PCDHGA6: variants seen among roughly 807,000 people sequenced by gnomAD.
The protein encoded by PCDHGA6 is protocadherin gamma-A6.
A neutral mutation model predicts 60.6 loss-of-function variants in PCDHGA6; 41 were observed. The ratio of observed to expected loss-of-function variants is 0.68; its 90% CI spans 0.53 to 0.88. PCDHGA6 has a LOEUF of 0.88. Among genes scored for constraint, PCDHGA6 ranks in the 40% least tolerant of loss-of-function variants. The pLI is 0.00. For missense variants in PCDHGA6, 1,312 were observed against 1,203.0 expected (o/e 1.09, Z -1.34); for synonymous variants, 594 against 524.4 (o/e 1.13, Z -1.81).
chr5:141,455,753 G>T (rs2098830630), intron 1 of PCDHGA6, among the ~76,000 whole-genome samples: 1 of 152,074 alleles, frequency 6.6e-6, no homozygotes, highest in Non-Finnish European at 1.5e-5. Flanking sequence ...TGCTGGCCTG[G>T]CTCCTAGAGC....
intron 1 of PCDHGA6, chr5:141,403,391 G>A: frequency 1.2e-6 from 2 of 1,614,046 alleles, no homozygotes; most frequent in Non-Finnish European, 1.7e-6. Flanking sequence ...CGAAATCGCG[G>A]TTCCTGGAGC....
At position 141,505,479 on chromosome 5, in the gene PCDHGA6, G is replaced by A; in HGVS notation, c.2570G>A (p.Ser857Asn). 1 of 1,614,228 alleles carries A rather than the reference G, an allele frequency of 6.2e-7. No homozygotes were observed. The highest frequency in any genetic ancestry group is 8.5e-7 in the Non-Finnish European group (1 of 1,180,018). Residue 857 changes from serine to asparagine, a missense_variant and splice_region_variant, in exon 3 of 4, where the codon AGT (serine) becomes AAT (asparagine). Ser to Asn is a conservative substitution (Grantham distance 46, BLOSUM62 1). Coordinates refer to ENST00000517434, the MANE Select transcript of PCDHGA6 (RefSeq NM_018919.3). Reference sequence around the variant, plus strand: ...CAAGCCATGATCTTGGCGTCCGCCAGTGGTAAGTGGTGTCAGTGTGTGTAT... The same window carrying A: ...CAAGCCATGATCTTGGCGTCCGCCAATGGTAAGTGGTGTCAGTGTGTGTAT... Reference protein sequence around the residue: ...MLQAMILASASEAADGSSTLG... With the variant: ...MLQAMILASANEAADGSSTLG...
intron 1 of PCDHGA6, chr5:141,415,384 A>C: frequency 1.9e-6 from 3 of 1,614,180 alleles, no homozygotes; most frequent in Non-Finnish European, 2.5e-6. Flanking sequence ...AGGCGGCTTG[A>C]CAGGTGTGTC....
chr5:141,415,657 G>C, intron 1 of PCDHGA6: 1 of 1,576,238 alleles, frequency 6.3e-7, no homozygotes, highest in Non-Finnish European at 8.6e-7. Context: ...AAAAAAGATT[G>C]GTTTTTACTT....
chr5:141,454,948 C>T (rs2098807728), intron 1 of PCDHGA6, among the ~76,000 whole-genome samples: 1 of 151,548 alleles, frequency 6.6e-6, no homozygotes, highest in Non-Finnish European at 1.5e-5. Flanking sequence ...GCTGGGACTA[C>T]AGGCGCCGGC....
In PCDHGA6 at chr5:141,432,854, G is replaced by A. The variant is rs769962088; in HGVS notation, c.2424+56347G>A. 1 of 1,614,192 alleles carries A rather than the reference G, an allele frequency of 6.2e-7. No homozygotes were observed. On this transcript the variant is annotated intron_variant, in intron 1 of 3. Transcript: ENST00000517434. The surrounding 1 kb of genome is among the most constrained non-coding windows in gnomAD (Gnocchi z 6.0). ...TCTGTACCTGGTGGTAGCGGTGGCC[G>A]CGGTCTCCTGCGTCTTCCTGGCCTT...
At position 141,489,094 on chromosome 5, in the gene PCDHGA6, G is replaced by GAAA. The variant is rs2154581134; in HGVS notation, c.2425-5711_2425-5710insAAA. On this transcript the variant is annotated intron_variant, in intron 1 of 3. Coordinates refer to ENST00000517434, the MANE Select transcript of PCDHGA6 (RefSeq NM_018919.3). The surrounding 1 kb of genome is among the most constrained non-coding windows in gnomAD (Gnocchi z 4.5). ...CCCACCCCCGCCACTCGGTGACTAA[G>GAAA]AACTGCTGCAAGCAGGCAAACCTCC... The GAAA allele has an allele frequency of 5.1e-6, 2 of 396,028 alleles. No homozygotes were observed. Among genetic ancestry groups the GAAA allele is most frequent in the South Asian group, 4.8e-5 (1 of 20,814 alleles). The allele number at this position is 396,028 out of a possible 1,614,324, so 24.5% of individuals were successfully genotyped here.
chr5:141,440,693 C>T (rs2098194597), intron 1 of PCDHGA6: 1 of 152,136 alleles, frequency 6.6e-6, no homozygotes, highest in Non-Finnish European at 1.5e-5. Context: ...GTAAAAGTGA[C>T]CAACAGTGGA....
At position 141,490,181 on chromosome 5, in the gene PCDHGA6, G is replaced by A. The variant is rs755899660; in HGVS notation, c.2425-4626G>A. ...GGTCCCATAGACTTTGAGGAGTCACGTTTCTATGAAATTCATGCAAGAGCC... is the reference window on the plus strand; with the variant it reads ...GGTCCCATAGACTTTGAGGAGTCACATTTCTATGAAATTCATGCAAGAGCC... On this transcript the variant is annotated intron_variant, in intron 1 of 3. Coordinates refer to ENST00000517434, the MANE Select transcript of PCDHGA6 (RefSeq NM_018919.3). This position sits in a 1 kb window ranked among gnomAD's most constrained non-coding sequence, Gnocchi z 5.4. The A allele has an allele frequency of 9.9e-6, 16 of 1,614,200 alleles. No homozygotes were observed. Among genetic ancestry groups the A allele is most frequent in the Middle Eastern group, 1.6e-4 (1 of 6,062 alleles).
chr5:141,431,022 G>A lies in PCDHGA6; in HGVS notation c.2424+54515G>A. ...CGCAGCGGCAGCTTGGTCACGGCGG[G>A]CAGGATAGACCGGGAGGAGCTCTGT... On this transcript the variant is annotated intron_variant, in intron 1 of 3. Transcript: ENST00000517434. This position sits in a 1 kb window ranked among gnomAD's most constrained non-coding sequence, Gnocchi z 4.8. 1 of 1,614,078 alleles carries A rather than the reference G, an allele frequency of 6.2e-7. No individual in the cohort carries two copies. Among genetic ancestry groups the A allele is most frequent in the African/African-American group, 1.3e-5 (1 of 75,074 alleles).
At chr5:141,430,910 G>T in intron 1 of PCDHGA6, 2 of 1,608,040 alleles carry the variant, frequency 1.2e-6, no homozygotes, top group Middle Eastern at 1.7e-4. Context: ...CATCTCCAGG[G>T]ACCTGGGGCT....
intron 1 of PCDHGA6, chr5:141,390,425 G>A (rs908766072): frequency 9.6e-7 from 1 of 1,042,070 alleles, no homozygotes. Flanking sequence ...TTAAAAAGCT[G>A]TCATATCATT....
At chr5:141,427,470 G>A (rs765970767) in intron 1 of PCDHGA6, 8 of 509,992 alleles carry the variant, frequency 1.6e-5, no homozygotes, top group African/African-American at 7.7e-5. Flanking sequence ...CGAATCTTCC[G>A]CCAATAATGA....
In PCDHGA6 at chr5:141,485,956, C is replaced by T. The variant is rs1430530851; in HGVS notation, c.2425-8851C>T. 1 of 1,614,150 alleles carries T rather than the reference C, an allele frequency of 6.2e-7. No individual in the cohort carries two copies. Among genetic ancestry groups the T allele is most frequent in the South Asian group, 1.1e-5 (1 of 91,074 alleles). ...AGAGCGCACCAGCGGGCATGGTGCT[C>T]ATCCAGCTCAATGCCTCAGACCCGG... On this transcript the variant is annotated intron_variant, in intron 1 of 3. Coordinates refer to ENST00000517434, the MANE Select transcript of PCDHGA6 (RefSeq NM_018919.3). This position sits in a 1 kb window ranked among gnomAD's most constrained non-coding sequence, Gnocchi z 5.7.
chr5:141,402,402 T>TTAAGATAC (rs1275769528), intron 1 of PCDHGA6, among the ~76,000 whole-genome samples: 2 of 152,012 alleles, frequency 1.3e-5, no homozygotes, highest in South Asian at 4.1e-4. Context: ...CAGAAAATTG[T>TTAAGATAC]TAAGATACAC....
At chr5:141,377,551 G>A (rs949060522) in intron 1 of PCDHGA6, 1 of 151,380 alleles carries the variant, frequency 6.6e-6, no homozygotes, top group Non-Finnish European at 1.5e-5. Flanking sequence ...AGATATAATT[G>A]TGTCACTGCA....
rs757227553 is a variant in PCDHGA6, at chr5:141,375,212, G to T, written c.1129G>T (p.Gly377Cys). Residue 377 changes from glycine to cysteine, a missense_variant, in exon 1 of 4, where the codon GGC becomes TGC. Physicochemically the swap from Gly to Cys is radical, Grantham distance 159. Coordinates refer to ENST00000517434, the MANE Select transcript of PCDHGA6 (RefSeq NM_018919.3). Reference protein sequence around the residue: ...ALFQVFDRDSGLNGLVTCSIP... With the variant: ...ALFQVFDRDSCLNGLVTCSIP... ...TTTTCAAGTGTTCGATCGAGACTCT[G>T]GCCTGAATGGCCTGGTAACCTGTTC... 6.2e-7 allele frequency: 1 copy of T among 1,613,944 alleles called. No individual in the cohort carries two copies. The highest frequency in any genetic ancestry group is 1.7e-5 in the Admixed American group (1 of 60,026).
chr5:141,418,513 G>A (rs377653202), intron 1 of PCDHGA6: 1 of 1,613,960 alleles, frequency 6.2e-7, no homozygotes, highest in Non-Finnish European at 8.5e-7. Flanking sequence ...TAGATGGTGG[G>A]GACCCTCCCC....
At chr5:141,458,100 A>AT (rs2098937418) in intron 1 of PCDHGA6, among the ~76,000 whole-genome samples, 1 of 152,252 alleles carries the variant, frequency 6.6e-6, no homozygotes, top group Non-Finnish European at 1.5e-5. Context: ...GAGTACTTAC[A>AT]GATAGTCTCC....
Sources: allele counts gnomAD v4.1 joint callset (sites outside exome capture counted in the v4.1 genomes callset), GRCh38; gene constraint gnomAD v4.1.1; non-coding constraint Gnocchi (gnomAD v3.1); transcripts MANE v1.5; gene names NCBI Gene and HGNC (gene_info 2026-07-23, HGNC 2026-07-21).